The following ZNG1A variants were observed in gnomAD, a reference collection of about 807,000 sequenced individuals.
The protein encoded by ZNG1A is zinc-regulated GTPase metalloprotein activator 1A.
At chr9:152,472 A>G in the ZNG1A span, among the ~76,000 whole-genome samples, 1,687 of 152,158 alleles carry the variant, frequency 0.011, 26 homozygotes, top group African/African-American at 0.038. Flanking sequence ...TCAGGCATAC[A>G]TGGTAGAAAT....
chr9:161,780 T>G, the ZNG1A span: 198 of 488,594 alleles, frequency 4.1e-4, 1 homozygote, highest in East Asian at 0.013. Context: ...AACAAAAACA[T>G]TCATAGCAGG....
At chr9:166,712 G>C in the ZNG1A span, 1 of 152,380 alleles carries the variant, frequency 6.6e-6, no homozygotes, top group African/African-American at 2.4e-5. Context: ...AAGAAACTTA[G>C]AGCCTATATA....
the ZNG1A span, chr9:161,595 T>C: frequency 4.7e-6 from 6 of 1,286,666 alleles, no homozygotes; most frequent in Admixed American, 2.3e-5. Context: ...TATGCTCAGA[T>C]TGGGAACGGG....
chr9:142,090 A>G, the ZNG1A span, among the ~76,000 whole-genome samples: 2 of 145,658 alleles, frequency 1.4e-5, no homozygotes, highest in Non-Finnish European at 3.0e-5. Flanking sequence ...CACAATAATA[A>G]TGGGAGACTT....
At chr9:169,286 A>C in the ZNG1A span, among the ~76,000 whole-genome samples, 2 of 149,068 alleles carry the variant, frequency 1.3e-5, no homozygotes, top group Non-Finnish European at 2.9e-5. Flanking sequence ...AAACAGTAAG[A>C]GAACTAGAAT....
At chr9:129,677 G>GC in the ZNG1A span, among the ~76,000 whole-genome samples, 4 of 150,350 alleles carry the variant, frequency 2.7e-5, no homozygotes, top group South Asian at 2.1e-4. Context: ...ACGAAAATTG[G>GC]GGGGGGCTGT....
At chr9:151,068 A>T in the ZNG1A span, 1 of 985,358 alleles carries the variant, frequency 1.0e-6, no homozygotes, top group Admixed American at 6.1e-5. Flanking sequence ...ATTATCAGAG[A>T]CTTTCTACAA....
At chr9:175,837 C>G in the ZNG1A span, 4 of 724,744 alleles carry the variant, frequency 5.5e-6, no homozygotes, top group Non-Finnish European at 9.0e-6. Context: ...TTTAAAGATA[C>G]AAAAAACATA....
chr9:135,258 C>G, the ZNG1A span, among the ~76,000 whole-genome samples: 4 of 150,122 alleles, frequency 2.7e-5, no homozygotes, highest in African/African-American at 7.4e-5. Flanking sequence ...TATACATATG[C>G]ACAGAATAAA....
At chr9:128,500 C>G in the ZNG1A span, among the ~76,000 whole-genome samples, 1 of 149,078 alleles carries the variant, frequency 6.7e-6, no homozygotes, top group Non-Finnish European at 1.5e-5. Context: ...TTTTATATTT[C>G]TATAAGTATG....
chr9:146,269 T>C, the ZNG1A span: 1 of 1,197,708 alleles, frequency 8.3e-7, no homozygotes, highest in Non-Finnish European at 1.2e-6. Flanking sequence ...TTCATAGAAG[T>C]GGGCAAATGG....
the ZNG1A span, among the ~76,000 whole-genome samples, chr9:138,206 G>C: frequency 9.3e-5 from 14 of 151,308 alleles, no homozygotes; most frequent in East Asian, 1.2e-3. Context: ...AAAAGGTACT[G>C]CTCCAATACC....
At chr9:129,755 A>G in the ZNG1A span, among the ~76,000 whole-genome samples, 1 of 132,596 alleles carries the variant, frequency 7.5e-6, no homozygotes, top group Non-Finnish European at 1.7e-5. Flanking sequence ...CAATGTACAG[A>G]CAGTTAACAA....
chr9:130,821 CA>C, the ZNG1A span, among the ~76,000 whole-genome samples: 1 of 116,812 alleles, frequency 8.6e-6, no homozygotes, highest in African/African-American at 3.5e-5. Context: ...CAGTATGAGA[CA>C]AAAAAGGCTT....
chr9:156,351 A>G, the ZNG1A span: 44,163 of 1,294,514 alleles, frequency 0.034, 914 homozygotes, highest in Middle Eastern at 0.062. Flanking sequence ...TAATTCAACT[A>G]AGGGAAAAAA....
chr9:121,895 C>T, the ZNG1A span: 1 of 1,606,844 alleles, frequency 6.2e-7, no homozygotes, highest in Non-Finnish European at 8.5e-7. Context: ...GTTTAAGTGG[C>T]ACATGATATC....
At chr9:135,750 G>A in the ZNG1A span, among the ~76,000 whole-genome samples, 1 of 117,378 alleles carries the variant, frequency 8.5e-6, no homozygotes, top group Non-Finnish European at 1.6e-5. Flanking sequence ...ATTAGTAACA[G>A]CAAGTTTAGG....
At chr9:141,370 G>C in the ZNG1A span, among the ~76,000 whole-genome samples, 1 of 143,642 alleles carries the variant, frequency 7.0e-6, no homozygotes, top group Non-Finnish European at 1.5e-5. Context: ...AGCCAGAAGA[G>C]AGTGGGGGCC....
At chr9:137,496 G>A in the ZNG1A span, among the ~76,000 whole-genome samples, 3 of 152,072 alleles carry the variant, frequency 2.0e-5, no homozygotes, top group African/African-American at 7.2e-5. Context: ...TAAAAATACA[G>A]TTCTAATCCA....
Sources: gnomAD v4.1 joint callset for allele counts (sites outside exome capture counted in the v4.1 genomes callset) on GRCh38, gnomAD v4.1.1 for gene constraint, MANE v1.5 for transcripts, NCBI Gene and HGNC (gene_info 2026-07-23, HGNC 2026-07-21) for gene names.